The following PCNX1 variants were observed in gnomAD, a reference collection of about 807,000 sequenced individuals.
The protein encoded by PCNX1 is pecanex 1.
A neutral mutation model predicts 242.2 loss-of-function variants in PCNX1; 78 were observed. That is an observed-to-expected ratio of 0.32 (90% confidence interval 0.27 to 0.39). The LOEUF (loss-of-function observed/expected upper bound fraction) is 0.39, where lower values mean the gene tolerates loss of function less well. Among genes scored for constraint, PCNX1 ranks in the 10% least tolerant of loss-of-function variants. PCNX1 has a pLI of 1.00. For missense variants in PCNX1, 2,581 were observed against 2,856.5 expected (o/e 0.90, Z 2.20); for synonymous variants, 1,024 against 1,032.9 (o/e 0.99, Z 0.17).
chr14:71,000,978 C>CT (rs2059489270), intron 8 of PCNX1, among the ~76,000 whole-genome samples: 1 of 152,148 alleles, frequency 6.6e-6, no homozygotes, highest in African/African-American at 2.4e-5. Flanking sequence ...AAGTTATTGT[C>CT]TTGTCTTAAG....
intron 28 of PCNX1, among the ~76,000 whole-genome samples, chr14:71,079,001 C>T (rs1268662356): frequency 6.6e-6 from 1 of 152,096 alleles, no homozygotes; most frequent in African/African-American, 2.4e-5. Flanking sequence ...CCTCCCATAG[C>T]CCCCTACACC....
In PCNX1 at chr14:71,075,040, G is replaced by C. The variant is rs1376546203; in HGVS notation, c.5107-1149G>C. On this transcript the variant is annotated intron_variant, in intron 27 of 35. Transcript: ENST00000304743. The stretch of plus-strand genomic sequence containing the variant: ...GACAGGGTTTCATTCTGTTGCCCAG[G>C]CTGGACTACAGTGGCATGATCGTAG... 5.6e-5 allele frequency among the ~76,000 whole-genome samples: 8 copies of C among 143,574 alleles called. No individual in the cohort carries two copies. The Admixed American group carries it at 5.8e-4, about 10-fold the overall frequency. The allele number at this position is 143,574 out of a possible 152,430, so 94.2% of individuals were successfully genotyped here.
intron 16 of PCNX1, chr14:71,032,057 A>G: frequency 1.4e-6 from 1 of 721,774 alleles, no homozygotes; most frequent in East Asian, 2.6e-5. Context: ...ATTAATAGAC[A>G]AAGAAGAAGA....
Position 71,026,607 on chromosome 14 carries a change from A to C in PCNX1, c.3356-165A>C, listed in dbSNP as rs139272961. On this transcript the variant is annotated intron_variant, in intron 14 of 35. Coordinates refer to ENST00000304743, the MANE Select transcript of PCNX1 (RefSeq NM_014982.3). ...GTTTATGATTGAAAAGATGTTATTTACTACCCAAGCAATTATGTTGAGAGG... is the reference window on the plus strand; with the variant it reads ...GTTTATGATTGAAAAGATGTTATTTCCTACCCAAGCAATTATGTTGAGAGG... Among the ~76,000 whole-genome samples the C allele has an allele frequency of 6.9e-4, 105 of 152,196 alleles. No individual in the cohort carries two copies. The East Asian group carries it at 0.019, about 27-fold the overall frequency.
chr14:71,039,230 A>G (rs957634979), intron 19 of PCNX1, among the ~76,000 whole-genome samples: 6 of 152,294 alleles, frequency 3.9e-5, no homozygotes, highest in Admixed American at 3.3e-4. Flanking sequence ...AATTAAAAAA[A>G]AAAATTAAAA....
At chr14:71,042,619 A>C (rs1364638565) in intron 19 of PCNX1, among the ~76,000 whole-genome samples, 1 of 152,056 alleles carries the variant, frequency 6.6e-6, no homozygotes, top group Non-Finnish European at 1.5e-5. Context: ...AAAAAAAAAA[A>C]ATTTAAGCAG....
At chr14:70,966,702 A>G (rs780803669) in intron 3 of PCNX1, among the ~76,000 whole-genome samples, 1 of 152,198 alleles carries the variant, frequency 6.6e-6, no homozygotes, top group Non-Finnish European at 1.5e-5. Context: ...CTTCTGAGCA[A>G]ATGACTACCA....
At chr14:71,018,968 A>C in intron 11 of PCNX1, 41 bp from the exon 12 acceptor site, 1 of 1,521,188 alleles carries the variant, frequency 6.6e-7, no homozygotes, top group Non-Finnish European at 9.0e-7. Context: ...TTAATTTCTT[A>C]TACTTAAGAT....
chr14:70,909,370 T>C (rs1485565203), intron 1 of PCNX1, among the ~76,000 whole-genome samples: 1 of 152,226 alleles, frequency 6.6e-6, no homozygotes, highest in Non-Finnish European at 1.5e-5. Context: ...TGAAGTATTA[T>C]AATTTTCAAT....
At chr14:71,065,929 C>T (rs1039787626) in intron 26 of PCNX1, among the ~76,000 whole-genome samples, 9 of 152,024 alleles carry the variant, frequency 5.9e-5, no homozygotes, top group African/African-American at 1.7e-4. Flanking sequence ...GTCGCAGATG[C>T]GTGGCATTAT....
intron 3 of PCNX1, among the ~76,000 whole-genome samples, chr14:70,964,866 G>C (rs1016358112): frequency 1.3e-5 from 2 of 152,072 alleles, no homozygotes; most frequent in African/African-American, 4.8e-5. Context: ...TAGTGTTTTC[G>C]TTTTATACTG....
At chr14:70,919,828 CT>C (rs2056309625) in intron 1 of PCNX1, among the ~76,000 whole-genome samples, 1 of 147,586 alleles carries the variant, frequency 6.8e-6, no homozygotes, top group African/African-American at 2.5e-5. Context: ...ATAACTTGCA[CT>C]GTCAGTGCTA....
At chr14:70,991,127 C>G (rs1462487820) in intron 7 of PCNX1, among the ~76,000 whole-genome samples, 1 of 151,846 alleles carries the variant, frequency 6.6e-6, no homozygotes, top group Non-Finnish European at 1.5e-5. Flanking sequence ...TAACTCCAGC[C>G]AATCACATAC....
chr14:71,056,150 A>G (rs1275196805), intron 25 of PCNX1, among the ~76,000 whole-genome samples: 11 of 152,244 alleles, frequency 7.2e-5, no homozygotes, highest in Admixed American at 7.2e-4. Context: ...TTAGCATATC[A>G]TCCAGAACCT....
intron 5 of PCNX1, 120 bp downstream of exon 5, chr14:70,969,230 C>T: frequency 4.4e-6 from 3 of 679,584 alleles, no homozygotes; most frequent in South Asian, 3.5e-5. Flanking sequence ...TTTAAGGAAA[C>T]ATTAACATAA....
chr14:71,013,257 G>A, intron 11 of PCNX1, 55 bp downstream of exon 11: 4 of 1,350,486 alleles, frequency 3.0e-6, no homozygotes, highest in South Asian at 2.3e-5. Flanking sequence ...TTAAGATGAA[G>A]TGTCTTTAAT....
chr14:71,048,934 A>G (rs1000983839), intron 22 of PCNX1: 12 of 432,748 alleles, frequency 2.8e-5, no homozygotes, highest in Admixed American at 1.3e-4. Flanking sequence ...AAATATTTCA[A>G]TATTATATCT....
intron 1 of PCNX1, among the ~76,000 whole-genome samples, chr14:70,930,546 A>C (rs1039186694): frequency 8.5e-5 from 13 of 152,220 alleles, no homozygotes; most frequent in Non-Finnish European, 1.3e-4. Context: ...AGATTTTTAA[A>C]AGATAGATAC....
At chr14:70,925,968 G>A (rs2056576504) in intron 1 of PCNX1, among the ~76,000 whole-genome samples, 1 of 152,022 alleles carries the variant, frequency 6.6e-6, no homozygotes, top group South Asian at 2.1e-4. Flanking sequence ...ACCTGTGATT[G>A]ATTTGACATG....
Sources: gnomAD v4.1 joint callset for allele counts (sites outside exome capture counted in the v4.1 genomes callset) on GRCh38, gnomAD v4.1.1 for gene constraint, MANE v1.5 for transcripts, NCBI Gene and HGNC (gene_info 2026-07-23, HGNC 2026-07-21) for gene names.